The following MGAT4C variants were observed in gnomAD, a reference collection of about 807,000 sequenced individuals.
The protein encoded by MGAT4C is MGAT4 family member C, also known as alpha-1,3-mannosyl-glycoprotein 4-beta-N-acetylglucosaminyltransferase C.
MGAT4C carries 19 observed loss-of-function variants against 40.1 expected under a neutral mutation model. The ratio of observed to expected loss-of-function variants is 0.47; its 90% CI spans 0.33 to 0.70. The LOEUF is 0.70. Ranked by LOEUF, MGAT4C falls within the 30% of genes least tolerant of loss-of-function variation. The pLI is 0.02. For synonymous variants in MGAT4C, 181 were observed against 187.1 expected (o/e 0.97, Z 0.27); for missense variants, 491 against 563.2 (o/e 0.87, Z 1.30).
At chr12:86,701,870 T>C (rs1950369881) in intron 2 of MGAT4C, among the ~76,000 whole-genome samples, 1 of 152,114 alleles carries the variant, frequency 6.6e-6, no homozygotes, top group Non-Finnish European at 1.5e-5. Flanking sequence ...GAAGAAAGTT[T>C]TAGTGGTCTG....
intron 1 of MGAT4C, among the ~76,000 whole-genome samples, chr12:86,760,129 C>CA (rs1242742624): frequency 6.6e-6 from 1 of 152,056 alleles, no homozygotes; most frequent in African/African-American, 2.4e-5. Flanking sequence ...CATCTACAGT[C>CA]AATCAATTTT....
intron 2 of MGAT4C, among the ~76,000 whole-genome samples, chr12:86,706,559 T>C (rs1230239898): frequency 2.0e-5 from 3 of 152,064 alleles, no homozygotes; most frequent in Admixed American, 6.6e-5. Context: ...CACCCAGCCT[T>C]ATACTAGTTT....
intron 2 of MGAT4C, among the ~76,000 whole-genome samples, chr12:86,706,900 A>T (rs1057002882): frequency 6.6e-6 from 1 of 152,162 alleles, no homozygotes; most frequent in Admixed American, 6.5e-5. Flanking sequence ...GGTCTTTCCC[A>T]TGCTGTTCTC....
intron 1 of MGAT4C, among the ~76,000 whole-genome samples, chr12:86,231,410 T>C (rs1486270441): frequency 1.3e-5 from 2 of 152,186 alleles, no homozygotes; most frequent in Non-Finnish European, 2.9e-5. Flanking sequence ...CCTTCTGCCT[T>C]TCTAATCATC....
At chr12:86,425,879 G>T (rs984443055) in intron 3 of MGAT4C, among the ~76,000 whole-genome samples, 2 of 151,920 alleles carry the variant, frequency 1.3e-5, no homozygotes, top group South Asian at 4.2e-4. Context: ...CTTCTAATTT[G>T]CAAATGACTT....
chr12:86,094,605 A>T (rs1176442065), intron 1 of MGAT4C, among the ~76,000 whole-genome samples: 1 of 152,166 alleles, frequency 6.6e-6, no homozygotes, highest in Non-Finnish European at 1.5e-5. Flanking sequence ...TATTATTAAA[A>T]ATAGGATTAC....
chr12:86,215,751 T>C (rs1950647535), intron 1 of MGAT4C, among the ~76,000 whole-genome samples: 1 of 152,160 alleles, frequency 6.6e-6, no homozygotes, highest in African/African-American at 2.4e-5. Flanking sequence ...TCTAGTGTTT[T>C]CTTTTAACAG....
intron 4 of MGAT4C, among the ~76,000 whole-genome samples, chr12:86,323,136 T>A (rs527598141): frequency 6.6e-6 from 1 of 151,612 alleles, no homozygotes; most frequent in Admixed American, 6.6e-5. Context: ...GGAAGTTTTT[T>A]TTTTTTTAAT....
chr12:86,700,334 CTGTG>C (rs767616614), intron 2 of MGAT4C, among the ~76,000 whole-genome samples: 8 of 149,492 alleles, frequency 5.4e-5, no homozygotes, highest in South Asian at 2.1e-4. Flanking sequence ...GAGAGAGAGA[CTGTG>C]TGTGTGTGTG....
At chr12:86,769,786 G>C (rs996249572) in intron 1 of MGAT4C, among the ~76,000 whole-genome samples, 29 of 152,054 alleles carry the variant, frequency 1.9e-4, no homozygotes, top group African/African-American at 6.8e-4. Flanking sequence ...AACACCGCAT[G>C]TTCTCACTCA....
intron 1 of MGAT4C, among the ~76,000 whole-genome samples, chr12:86,053,938 A>G (rs1234452350): frequency 1.3e-5 from 2 of 151,928 alleles, no homozygotes; most frequent in Non-Finnish European, 2.9e-5. Context: ...AAAGATGAAA[A>G]ATAAGTGTTA....
chr12:85,977,492 G>A lies in MGAT4C; in HGVS notation c.*1797C>T, dbSNP rs1451518201. The A allele has an allele frequency of 6.6e-6, 1 of 151,240 alleles. No individual in the cohort carries two copies. Among genetic ancestry groups the A allele is most frequent in the African/African-American group, 2.4e-5 (1 of 41,304 alleles). 9.4% of individuals were successfully genotyped at this position (151,240 alleles called of 1,614,324 possible). A position where few individuals can be genotyped will look rare whatever the true frequency, so the allele number is the denominator to read the frequency against. On this transcript the variant is annotated 3_prime_UTR_variant, in exon 5 of 5. Transcript: ENST00000611864. The stretch of plus-strand genomic sequence containing the variant: ...ATTTTCCTATGACTGTAAGATTTAG[G>A]TGCCTCACAAAATATTAATATTTAG...
At chr12:86,497,714 A>T (rs1298501719) in intron 2 of MGAT4C, among the ~76,000 whole-genome samples, 1 of 151,490 alleles carries the variant, frequency 6.6e-6, no homozygotes, top group Non-Finnish European at 1.5e-5. Context: ...ATGTTCCTTT[A>T]ACAAATTACC....
intron 1 of MGAT4C, chr12:86,068,629 C>G (rs1165856749): frequency 2.6e-5 from 4 of 151,134 alleles, no homozygotes; most frequent in Non-Finnish European, 5.9e-5. Flanking sequence ...CACACACACA[C>G]AGACACTTCC....
At chr12:86,343,267 C>A (rs910982821) in intron 3 of MGAT4C, among the ~76,000 whole-genome samples, 4 of 152,142 alleles carry the variant, frequency 2.6e-5, no homozygotes, top group African/African-American at 9.7e-5. Context: ...GTAACTTCAG[C>A]TTTACATGTT....
At chr12:85,985,564 A>G (rs1372401055) in intron 3 of MGAT4C, among the ~76,000 whole-genome samples, 1 of 152,120 alleles carries the variant, frequency 6.6e-6, no homozygotes. Flanking sequence ...AAGGTTCACA[A>G]TGTGTAAAAG....
chr12:86,295,178 A>C, intron 4 of MGAT4C, among the ~76,000 whole-genome samples: 1 of 152,316 alleles, frequency 6.6e-6, no homozygotes, highest in East Asian at 1.9e-4. Context: ...TAAACAATTT[A>C]TTTAAATAGT....
At chr12:86,465,048 G>A (rs891113761) in intron 2 of MGAT4C, among the ~76,000 whole-genome samples, 1 of 152,052 alleles carries the variant, frequency 6.6e-6, no homozygotes, top group African/African-American at 2.4e-5. Context: ...TTTATCAGAA[G>A]TCAAGTAGCT....
chr12:86,523,350 CAA>C (rs899357882), intron 2 of MGAT4C, among the ~76,000 whole-genome samples: 8 of 152,040 alleles, frequency 5.3e-5, no homozygotes, highest in African/African-American at 1.9e-4. Flanking sequence ...ATTATGTTCC[CAA>C]AAGTCATTCA....
Sources: gnomAD v4.1 joint callset for allele counts (sites outside exome capture counted in the v4.1 genomes callset) on GRCh38, gnomAD v4.1.1 for gene constraint, MANE v1.5 for transcripts, NCBI Gene and HGNC (gene_info 2026-07-23, HGNC 2026-07-21) for gene names.